The following WDR45B variants were observed in gnomAD, a reference collection of about 807,000 sequenced individuals.
WDR45B encodes WD repeat domain phosphoinositide-interacting protein 3.
Under a neutral mutation model 44.6 loss-of-function variants are expected in WDR45B, and 20 were observed. The ratio of observed to expected loss-of-function variants is 0.45; its 90% confidence interval spans 0.32 to 0.65. The LOEUF is 0.65. Ranked by LOEUF, WDR45B falls within the 30% of genes least tolerant of loss-of-function variation. The probability of loss-of-function intolerance (pLI) is 0.05; values close to 1 mark genes in which losing one functional copy is unlikely to be tolerated. For missense variants in WDR45B, 323 were observed against 430.2 expected, an observed-to-expected ratio of 0.75 and a Z score of 2.20; for synonymous variants, 169 against 164.9, an observed-to-expected ratio of 1.02 and a Z score of -0.19.
At chr17:82,636,729 TTTC>T (rs537380526) in intron 2 of WDR45B, 67 of 152,192 alleles carry the variant, frequency 4.4e-4, no homozygotes, top group African/African-American at 1.5e-3. Context: ...CGAACTCGAC[TTTC>T]TTGTTCTTCC....
chr17:82,627,495 C>T (rs1248135573), intron 3 of WDR45B, among the ~76,000 whole-genome samples: 1 of 152,260 alleles, frequency 6.6e-6, no homozygotes, highest in African/African-American at 2.4e-5. Flanking sequence ...CGCCCTCGGG[C>T]ACCTTCCCCA....
At chr17:82,624,401 A>AT (rs1333245676) in intron 5 of WDR45B, among the ~76,000 whole-genome samples, 1 of 151,952 alleles carries the variant, frequency 6.6e-6, no homozygotes, top group Non-Finnish European at 1.5e-5. Flanking sequence ...AGCTGGGACT[A>AT]TGGGCACCCG....
In WDR45B at chr17:82,627,318, T is replaced by C. The variant is rs1205679373; in HGVS notation, c.245-27A>G. The stretch of plus-strand genomic sequence containing the variant: ...TGAAATATCAGAAAGAAAAGATGAA[T>C]GCAGTCATCAGCAGGCCATGGCGCT... On this transcript the variant is annotated intron_variant, in intron 3 of 9. Coordinates refer to ENST00000392325, the MANE Select transcript of WDR45B (RefSeq NM_019613.4). 3 of 1,573,404 alleles carry C rather than the reference T, an allele frequency of 1.9e-6. No homozygotes were observed. In the South Asian group the frequency reaches 3.3e-5, roughly 17 times the overall value.
At chr17:82,639,838 G>A (rs1208261321) in intron 2 of WDR45B, among the ~76,000 whole-genome samples, 15 of 145,602 alleles carry the variant, frequency 1.0e-4, no homozygotes, top group African/African-American at 3.1e-4. Flanking sequence ...GAGGGCTGCC[G>A]GGCTGTGTGT....
At chr17:82,641,869 G>C (rs1014768753) in intron 2 of WDR45B, among the ~76,000 whole-genome samples, 16 of 151,968 alleles carry the variant, frequency 1.1e-4, no homozygotes, top group African/African-American at 3.9e-4. Flanking sequence ...CTGCACTCCA[G>C]CCTGGGCAAC....
Position 82,640,748 on chromosome 17 carries a change from T to C in WDR45B, c.142+3201A>G, listed in dbSNP as rs570480425. On this transcript the variant is annotated intron_variant, in intron 2 of 9. Transcript: ENST00000392325. The stretch of plus-strand genomic sequence containing the variant: ...AAAAAGACAGTGTGGCCCTACTGTA[T>C]CCATTTCACATTAGGGCCTATCTAC... Among the ~76,000 whole-genome samples the C allele has an allele frequency of 1.4e-4, 21 of 152,258 alleles. No homozygotes were observed. The South Asian group carries it at 3.5e-3, about 26-fold the overall frequency.
intron 2 of WDR45B, among the ~76,000 whole-genome samples, chr17:82,639,472 C>T (rs965412236): frequency 6.6e-6 from 1 of 152,048 alleles, no homozygotes; most frequent in Non-Finnish European, 1.5e-5. Flanking sequence ...TACCAAACTT[C>T]CCCTTTCCAC....
At chr17:82,647,879 C>A (rs2046000610) in intron 1 of WDR45B, among the ~76,000 whole-genome samples, 1 of 151,552 alleles carries the variant, frequency 6.6e-6, no homozygotes, top group Non-Finnish European at 1.5e-5. Context: ...GGGAAAATCC[C>A]GATAACCGTG....
At chr17:82,637,971 C>T (rs2045857393) in intron 2 of WDR45B, among the ~76,000 whole-genome samples, 1 of 150,856 alleles carries the variant, frequency 6.6e-6, no homozygotes, top group Non-Finnish European at 1.5e-5. Flanking sequence ...GTCAAGAGTT[C>T]GAGACCAGCC....
At chr17:82,621,860 A>G (rs1207494919) in intron 5 of WDR45B, 61 bp from the exon 6 acceptor site, 2 of 1,581,292 alleles carry the variant, frequency 1.3e-6, no homozygotes, top group Admixed American at 3.5e-5. Flanking sequence ...GCCAAAGTCC[A>G]CTTTCTGCCC....
intron 2 of WDR45B, among the ~76,000 whole-genome samples, chr17:82,633,148 G>A (rs565196627): frequency 2.2e-5 from 3 of 134,006 alleles, no homozygotes; most frequent in South Asian, 2.6e-4. Flanking sequence ...GGGCGAAGGA[G>A]GGAGACTCCA....
intron 2 of WDR45B, among the ~76,000 whole-genome samples, chr17:82,643,323 C>T (rs2045939116): frequency 6.6e-6 from 1 of 152,066 alleles, no homozygotes; most frequent in East Asian, 1.9e-4. Flanking sequence ...ATCCCAGCTA[C>T]TCGGGAGGCC....
At chr17:82,619,247 A>C in intron 6 of WDR45B, 119 bp from the exon 7 acceptor site, 3 of 910,054 alleles carry the variant, frequency 3.3e-6, no homozygotes, top group African/African-American at 1.7e-5. Flanking sequence ...ACTCACCCAC[A>C]TCATCTACTA....
rs1319128661 is a variant in WDR45B, at chr17:82,648,388, C to CTGGGGACGGCGGCCTGGTCCCT, written c.-70_-49dup. 18 of 1,589,510 alleles carry CTGGGGACGGCGGCCTGGTCCCT rather than the reference C, an allele frequency of 1.1e-5. No homozygotes were observed. The Admixed American group carries it at 1.7e-4, about 15-fold the overall frequency. ...GCTCCTCAGCGCTGCATGCCTCTCG[C>CTGGGGACGGCGGCCTGGTCCCT]TGGGGACGGCGGCCTGGTCCCTTCG... On this transcript the variant is annotated 5_prime_UTR_variant, in exon 1 of 10. Coordinates refer to ENST00000392325, the MANE Select transcript of WDR45B (RefSeq NM_019613.4).
chr17:82,643,949 CTTGT>C lies in WDR45B; in HGVS notation c.138_141del (p.Gln47AsnfsTer3). The C allele has an allele frequency of 6.2e-7, 1 of 1,613,808 alleles. No individual in the cohort carries two copies. Among genetic ancestry groups the C allele is most frequent in the Non-Finnish European group, 8.5e-7 (1 of 1,179,826 alleles). On this transcript the variant is annotated frameshift_variant and splice_region_variant, in exon 2 of 10. Coordinates refer to ENST00000392325, the MANE Select transcript of WDR45B (RefSeq NM_019613.4). LOFTEE classifies it high-confidence loss of function. ...CAGAAAATGTCCCGTTAATTCTTAC[CTTGT>C]TTCTCTTTTTCTTTTAGTGGATCAG... is the stretch of plus-strand genomic sequence containing the variant.
chr17:82,630,613 CT>C (rs1342892361), intron 3 of WDR45B, among the ~76,000 whole-genome samples: 1 of 152,128 alleles, frequency 6.6e-6, no homozygotes, highest in Non-Finnish European at 1.5e-5. Flanking sequence ...AAAAAAAATC[CT>C]TCTACCTTGC....
chr17:82,628,047 C>T (rs191541889), intron 3 of WDR45B, among the ~76,000 whole-genome samples: 16 of 152,296 alleles, frequency 1.1e-4, no homozygotes, highest in Non-Finnish European at 2.2e-4. Context: ...GGCTGGAGTG[C>T]GGTGGCGCAA....
intron 1 of WDR45B, among the ~76,000 whole-genome samples, chr17:82,647,183 C>T (rs1024177091): frequency 6.6e-5 from 10 of 151,226 alleles, no homozygotes; most frequent in African/African-American, 9.7e-5. Context: ...GAGTCGAGAT[C>T]GCACCAGGCT....
chr17:82,630,103 C>T (rs981619802), intron 3 of WDR45B, among the ~76,000 whole-genome samples: 1 of 152,070 alleles, frequency 6.6e-6, no homozygotes, highest in African/African-American at 2.4e-5. Flanking sequence ...GACGAGGATG[C>T]TTGCTCCACT....
Sources: gnomAD v4.1 joint callset for allele counts (sites outside exome capture counted in the v4.1 genomes callset) on GRCh38, gnomAD v4.1.1 for gene constraint, MANE v1.5 for transcripts, NCBI Gene and HGNC (gene_info 2026-07-23, HGNC 2026-07-21) for gene names.